IFT43: variants seen among roughly 807,000 people sequenced by gnomAD.
IFT43 encodes intraflagellar transport 43, also known as intraflagellar transport protein 43 homolog.
Under a neutral mutation model 32.3 loss-of-function variants are expected in IFT43, and 33 were observed. The observed-to-expected ratio is 1.02, with a 90% confidence interval of 0.77 to 1.37. IFT43 has a LOEUF of 1.37. IFT43 is among the 40% of genes most tolerant of loss of function. The pLI is 0.00. For synonymous variants in IFT43, 93 were observed against 98.2 expected, an observed-to-expected ratio of 0.95 and a Z score of 0.31; for missense variants, 274 against 265.9, an observed-to-expected ratio of 1.03 and a Z score of -0.21.
chr14:76,080,716 T>G (rs2037494859), intron 5 of IFT43, among the ~76,000 whole-genome samples: 1 of 152,176 alleles, frequency 6.6e-6, no homozygotes, highest in Non-Finnish European at 1.5e-5. Flanking sequence ...GGGAACGGCA[T>G]TCTCAGCAGC....
At chr14:76,037,771 C>T (rs1019233332) in intron 3 of IFT43, among the ~76,000 whole-genome samples, 3 of 151,006 alleles carry the variant, frequency 2.0e-5, no homozygotes, top group African/African-American at 4.9e-5. Context: ...TAGTAACAAG[C>T]GAGTGGTTAC....
At chr14:76,084,034 A>G, downstream of IFT43, 1 of 452,532 alleles carries the variant, frequency 2.2e-6, no homozygotes, top group East Asian at 7.0e-5. Flanking sequence ...ATAGGCTTCC[A>G]GGCAGCTGCA....
chr14:76,014,163 TC>T, intron 2 of IFT43: 1 of 261,236 alleles, frequency 3.8e-6, no homozygotes, highest in Non-Finnish European at 7.9e-6. Flanking sequence ...TGCAGTTGAT[TC>T]CAGCAAGTAT....
chr14:76,077,380 G>GA (rs1476495141), intron 5 of IFT43, among the ~76,000 whole-genome samples: 2 of 152,204 alleles, frequency 1.3e-5, no homozygotes, highest in Non-Finnish European at 2.9e-5. Context: ...GAACAATGTA[G>GA]AGAAGTAGAG....
At chr14:76,028,998 C>G (rs867772126) in intron 3 of IFT43, among the ~76,000 whole-genome samples, 2 of 152,060 alleles carry the variant, frequency 1.3e-5, no homozygotes, top group Admixed American at 6.6e-5. Context: ...ATGGGATTGC[C>G]GGGTCAAATG....
At chr14:75,989,535 G>T (rs567877992) in intron 2 of IFT43, among the ~76,000 whole-genome samples, 6 of 152,188 alleles carry the variant, frequency 3.9e-5, no homozygotes, top group African/African-American at 1.4e-4. Context: ...CTTACTCAGA[G>T]CCCCTTTTTA....
chr14:75,988,294 A>G (rs998910001), intron 1 of IFT43, among the ~76,000 whole-genome samples: 1 of 152,064 alleles, frequency 6.6e-6, no homozygotes, highest in Non-Finnish European at 1.5e-5. Flanking sequence ...TAGGAGGATC[A>G]CTTGAGCCTA....
At chr14:76,005,774 A>G (rs1021887926) in intron 2 of IFT43, among the ~76,000 whole-genome samples, 29 of 152,184 alleles carry the variant, frequency 1.9e-4, no homozygotes, top group African/African-American at 6.5e-4. Flanking sequence ...TTACCAATCC[A>G]GTTCTTTTCT....
At chr14:76,062,449 T>C (rs1296552331) in intron 5 of IFT43, among the ~76,000 whole-genome samples, 2 of 152,170 alleles carry the variant, frequency 1.3e-5, no homozygotes, top group Admixed American at 1.3e-4. Flanking sequence ...TGAGTCTGGA[T>C]CTTGTCTTCC....
intron 4 of IFT43, 167 bp from the exon 5 acceptor site, chr14:76,059,160 C>T: frequency 6.5e-7 from 1 of 1,541,442 alleles, no homozygotes. Context: ...TGCAACCACA[C>T]ACGGCACACC....
At chr14:75,991,022 A>C (rs1364634023) in intron 2 of IFT43, among the ~76,000 whole-genome samples, 1 of 152,230 alleles carries the variant, frequency 6.6e-6, no homozygotes, top group Non-Finnish European at 1.5e-5. Context: ...ACTGGCACCC[A>C]GGAAGAATAA....
chr14:75,991,956 G>C (rs1404448663), intron 2 of IFT43, among the ~76,000 whole-genome samples: 1 of 152,156 alleles, frequency 6.6e-6, no homozygotes, highest in East Asian at 1.9e-4. Context: ...CAAGACTTGT[G>C]TGTGTGCCCA....
chr14:76,024,913 C>G (rs2036361526), intron 3 of IFT43, among the ~76,000 whole-genome samples: 1 of 152,168 alleles, frequency 6.6e-6, no homozygotes, highest in Non-Finnish European at 1.5e-5. Context: ...ATTTTGCTAG[C>G]CTTTACCTTT....
At chr14:76,060,900 T>C (rs2037122207) in intron 5 of IFT43, among the ~76,000 whole-genome samples, 1 of 148,164 alleles carries the variant, frequency 6.7e-6, no homozygotes, top group African/African-American at 2.5e-5. Context: ...CCCTCTCTTT[T>C]CTTTTCTTTC....
intron 3 of IFT43, among the ~76,000 whole-genome samples, chr14:76,035,950 G>C (rs1319668017): frequency 6.6e-6 from 1 of 152,188 alleles, no homozygotes; most frequent in Non-Finnish European, 1.5e-5. Context: ...TACTATGTCA[G>C]ACATATATAA....
chr14:76,026,776 G>A (rs1203911834), intron 3 of IFT43, among the ~76,000 whole-genome samples: 2 of 152,132 alleles, frequency 1.3e-5, no homozygotes, highest in Non-Finnish European at 2.9e-5. Flanking sequence ...AAAGATACAT[G>A]TATGTGTATG....
chr14:76,000,105 C>T (rs1329653579), intron 2 of IFT43, among the ~76,000 whole-genome samples: 8 of 152,184 alleles, frequency 5.3e-5, no homozygotes, highest in Non-Finnish European at 2.9e-5. Context: ...TACATTTTTA[C>T]AGTTACAATA....
chr14:76,076,522 G>A (rs752962505), intron 5 of IFT43: 733 of 1,595,386 alleles, frequency 4.6e-4, no homozygotes, highest in Non-Finnish European at 5.8e-4. Context: ...TATACTCCAG[G>A]TGAAGAGCTG....
chr14:76,010,046 C>T (rs749111213), intron 2 of IFT43, among the ~76,000 whole-genome samples: 24 of 152,170 alleles, frequency 1.6e-4, no homozygotes, highest in Admixed American at 1.4e-3. Context: ...CCTCCCTCCT[C>T]GGCCTCCCAA....
Sources: allele counts gnomAD v4.1 joint callset (sites outside exome capture counted in the v4.1 genomes callset), GRCh38; gene constraint gnomAD v4.1.1; transcripts MANE v1.5; gene names NCBI Gene and HGNC (gene_info 2026-07-23, HGNC 2026-07-21).